ZFPM2: variants seen among roughly 807,000 people sequenced by gnomAD.
ZFPM2 encodes the protein zinc finger protein ZFPM2.
Under a neutral mutation model 98.6 loss-of-function variants are expected in ZFPM2, and 20 were observed. That is an observed-to-expected ratio of 0.20 (90% confidence interval 0.14 to 0.29). ZFPM2 has a LOEUF of 0.29. ZFPM2 is among the 10% of genes least tolerant of loss of function. The pLI is 1.00. For missense variants in ZFPM2, 1,310 were observed against 1,388.6 expected (o/e 0.94, Z 0.90); for synonymous variants, 518 against 502.7 (o/e 1.03, Z -0.41).
At chr8:105,529,283 A>T (rs1489630156) in intron 3 of ZFPM2, among the ~76,000 whole-genome samples, 3 of 152,052 alleles carry the variant, frequency 2.0e-5, no homozygotes, top group Non-Finnish European at 2.9e-5. Flanking sequence ...TAAATGCCCT[A>T]CTTCTACATG....
At chr8:105,338,502 T>C (rs747393615) in intron 1 of ZFPM2, among the ~76,000 whole-genome samples, 17 of 151,976 alleles carry the variant, frequency 1.1e-4, no homozygotes, top group South Asian at 4.1e-4. Context: ...TTATTTAAAA[T>C]ATAGTAATGG....
chr8:105,364,899 T>C (rs1356822680), intron 1 of ZFPM2, among the ~76,000 whole-genome samples: 3 of 152,146 alleles, frequency 2.0e-5, no homozygotes, highest in Non-Finnish European at 2.9e-5. Flanking sequence ...TCTAGGGTAC[T>C]GATAATTACT....
At chr8:105,783,278 TATATTC>T (rs1813312416) in intron 5 of ZFPM2, among the ~76,000 whole-genome samples, 1 of 150,422 alleles carries the variant, frequency 6.6e-6, no homozygotes, top group Admixed American at 6.7e-5. Flanking sequence ...TTATAAAAGT[TATATTC>T]TTATTCTTAG....
At chr8:105,625,808 C>G (rs1383741710) in intron 4 of ZFPM2, among the ~76,000 whole-genome samples, 1 of 151,906 alleles carries the variant, frequency 6.6e-6, no homozygotes, top group African/African-American at 2.4e-5. Context: ...GTCTCGAACT[C>G]CTGACCTCAG....
At chr8:105,320,279 T>C (rs1322799269) in intron 1 of ZFPM2, among the ~76,000 whole-genome samples, 1 of 151,794 alleles carries the variant, frequency 6.6e-6, no homozygotes, top group Non-Finnish European at 1.5e-5. Flanking sequence ...TGTGTGTGTG[T>C]GTGTGTGTGT....
intron 1 of ZFPM2, among the ~76,000 whole-genome samples, chr8:105,393,333 T>TGCC (rs370622164): frequency 4.3e-5 from 4 of 92,970 alleles, no homozygotes; most frequent in East Asian, 5.8e-4. Context: ...TCTCTCTCTC[T>TGCC]TTGCCTTTCT....
In ZFPM2 at chr8:105,717,822, T is replaced by C. The variant is rs147801264; in HGVS notation, c.533-70896T>C. Among the ~76,000 whole-genome samples, 3 of 152,046 alleles carry C rather than the reference T, an allele frequency of 2.0e-5. No individual in the cohort carries two copies. In the East Asian group the frequency reaches 5.9e-4, roughly 30 times the overall value. On this transcript the variant is annotated intron_variant, in intron 5 of 7. Coordinates refer to ENST00000407775, the MANE Select transcript of ZFPM2 (RefSeq NM_012082.4). ...CATCTTGTCACATGCCTTGTCTTTATGTAAAGACATAGATATGTAAATGTA... is the reference window on the plus strand; with the variant it reads ...CATCTTGTCACATGCCTTGTCTTTACGTAAAGACATAGATATGTAAATGTA...
At chr8:105,424,479 T>G (rs1399936366) in intron 2 of ZFPM2, among the ~76,000 whole-genome samples, 1 of 151,952 alleles carries the variant, frequency 6.6e-6, no homozygotes, top group Admixed American at 6.6e-5. Context: ...ATACACAAAA[T>G]AAGGAAAGAT....
chr8:105,391,702 G>T (rs1039025466), intron 1 of ZFPM2, among the ~76,000 whole-genome samples: 1 of 152,184 alleles, frequency 6.6e-6, no homozygotes, highest in African/African-American at 2.4e-5. Context: ...AAATTCTCAT[G>T]TGTTAAAGTT....
chr8:105,628,784 A>G (rs1816705078), intron 4 of ZFPM2, among the ~76,000 whole-genome samples: 1 of 151,942 alleles, frequency 6.6e-6, no homozygotes, highest in African/African-American at 2.4e-5. Flanking sequence ...TGCATTTACC[A>G]TCCTTCAATT....
intron 5 of ZFPM2, among the ~76,000 whole-genome samples, chr8:105,670,958 C>G (rs1156554615): frequency 3.9e-5 from 6 of 151,902 alleles, no homozygotes; most frequent in African/African-American, 1.5e-4. Flanking sequence ...GAATAATATA[C>G]TATATATGGA....
In ZFPM2 at chr8:105,788,205, T is replaced by G. The variant is rs112097599; in HGVS notation, c.533-513T>G. Among the ~76,000 whole-genome samples, 595 of 152,332 alleles carry G rather than the reference T, an allele frequency of 3.9e-3. 4 individuals are homozygous for G. Among genetic ancestry groups the G allele is most frequent in the African/African-American group, 0.012 (519 of 41,566 alleles). ...AATTTCATTTTAATTTTCTAGATTT[T>G]AGGAGTTTTTGTTTACTTGTTCTGT... On this transcript the variant is annotated intron_variant, in intron 5 of 7. Transcript: ENST00000407775.
At chr8:105,499,928 T>G (rs1813556009) in intron 3 of ZFPM2, among the ~76,000 whole-genome samples, 1 of 152,166 alleles carries the variant, frequency 6.6e-6, no homozygotes, top group Non-Finnish European at 1.5e-5. Context: ...CATGGAACTT[T>G]CATAAATTAG....
chr8:105,377,770 A>G (rs1170588191), intron 1 of ZFPM2, among the ~76,000 whole-genome samples: 1 of 152,034 alleles, frequency 6.6e-6, no homozygotes, highest in African/African-American at 2.4e-5. Context: ...ACAGATCAAT[A>G]CTCTGTCTCA....
intron 3 of ZFPM2, among the ~76,000 whole-genome samples, chr8:105,510,415 TTG>T (rs1399402676): frequency 4.4e-4 from 66 of 148,972 alleles, no homozygotes; most frequent in African/African-American, 8.0e-4. Context: ...TTTTTTTTGT[TTG>T]TTTGTTTGTT....
rs1813284150 is a variant in ZFPM2, at chr8:105,488,566, C to T, written c.301+44185C>T. Among the ~76,000 whole-genome samples, 5 of 152,082 alleles carry T rather than the reference C, an allele frequency of 3.3e-5. No individual in the cohort carries two copies. The South Asian group carries it at 1.0e-3, about 32-fold the overall frequency. ...CACAAGGTCAGGAGTTCAAGACCAG[C>T]CTGGCCAATATGGTGAAACCCTGTC... is the stretch of plus-strand genomic sequence containing the variant. On this transcript the variant is annotated intron_variant, in intron 3 of 7. Transcript: ENST00000407775.
chr8:105,563,385 A>G (rs1001735418), intron 4 of ZFPM2, among the ~76,000 whole-genome samples: 3 of 152,198 alleles, frequency 2.0e-5, no homozygotes, highest in Non-Finnish European at 4.4e-5. Flanking sequence ...TATATTTATT[A>G]CTTTGTACAT....
chr8:105,517,707 C>CACACCACACACACACACACACA (rs61552974), intron 3 of ZFPM2, among the ~76,000 whole-genome samples: 19 of 124,980 alleles, frequency 1.5e-4, no homozygotes, highest in African/African-American at 5.3e-4. Flanking sequence ...CACACACACA[C>CACACCACACACACACACACACA]CACACACACA....
At chr8:105,718,726 A>C (rs1455590277) in intron 5 of ZFPM2, among the ~76,000 whole-genome samples, 1 of 151,934 alleles carries the variant, frequency 6.6e-6, no homozygotes, top group Non-Finnish European at 1.5e-5. Context: ...CGTCAAAAGA[A>C]TTCTTCAAAA....
Sources: gnomAD v4.1 joint callset for allele counts (sites outside exome capture counted in the v4.1 genomes callset) on GRCh38, gnomAD v4.1.1 for gene constraint, MANE v1.5 for transcripts, NCBI Gene and HGNC (gene_info 2026-07-23, HGNC 2026-07-21) for gene names.